IL6R: variants seen among roughly 807,000 people sequenced by gnomAD.
IL6R encodes interleukin 6 receptor, also known as interleukin-6 receptor subunit alpha.
Under a neutral mutation model 48.3 loss-of-function variants are expected in IL6R, and 38 were observed. The observed-to-expected ratio is 0.79, with a 90% CI of 0.61 to 1.03. The LOEUF (loss-of-function observed/expected upper bound fraction) is 1.03. Ranked by LOEUF, IL6R falls within the 50% of genes least tolerant of loss-of-function variation. IL6R has a pLI of 0.00. For synonymous variants in IL6R, 264 were observed against 256.2 expected (o/e 1.03, Z -0.29); for missense variants, 534 against 618.3 (o/e 0.86, Z 1.45).
chr1:154,421,873 A>C (rs1042330140), intron 1 of IL6R, among the ~76,000 whole-genome samples: 1 of 152,136 alleles, frequency 6.6e-6, no homozygotes, highest in African/African-American at 2.4e-5. Flanking sequence ...CTCCCATCTC[A>C]GCCTCCCAAT....
chr1:154,439,984 C>A (rs1449208968), intron 6 of IL6R, among the ~76,000 whole-genome samples: 1 of 152,062 alleles, frequency 6.6e-6, no homozygotes, highest in Admixed American at 6.5e-5. Flanking sequence ...CTCACTGCAA[C>A]CTCTGCCTCC....
chr1:154,414,631 A>T, intron 1 of IL6R: 1 of 800,836 alleles, frequency 1.2e-6, no homozygotes, highest in Non-Finnish European at 2.2e-6. Context: ...GTCAAGCAGG[A>T]TGTCGATGAA....
At chr1:154,457,570 C>T (rs892147898) in intron 9 of IL6R, among the ~76,000 whole-genome samples, 2 of 152,172 alleles carry the variant, frequency 1.3e-5, no homozygotes, top group Non-Finnish European at 2.9e-5. Context: ...TCATCCCAAT[C>T]ATCTTCGCTC....
chr1:154,449,685 G>A lies in IL6R; in HGVS notation c.997-226G>A, dbSNP rs569585761. ...TTCTCTGTGCAGCTTTAAGCTTTTG[G>A]TGGAGAGGCAGGTGGAAAGAAAGCC... On this transcript the variant is annotated intron_variant, in intron 7 of 9. Transcript: ENST00000368485. Among the ~76,000 whole-genome samples, 65 of 152,326 alleles carry A rather than the reference G, an allele frequency of 4.3e-4. 1 individual carries two copies. The highest frequency in any genetic ancestry group is 1.5e-3 in the African/African-American group (64 of 41,574).
At chr1:154,436,314 G>A (rs1403469852) in intron 6 of IL6R, among the ~76,000 whole-genome samples, 1 of 151,974 alleles carries the variant, frequency 6.6e-6, no homozygotes, top group Non-Finnish European at 1.5e-5. Context: ...CTGTCTCTAC[G>A]AAAAATACAA....
rs41310931 is a variant in IL6R at position 154,466,862 on chromosome 1, A to G, written c.*1482A>G. ...GTGAGACCCTGTCTCAAAAAAAGAA[A>G]AAGAAAAAGAAAAAATATTTTCCCT... On this transcript the variant is annotated 3_prime_UTR_variant, in exon 10 of 10. Transcript: ENST00000368485. 0.044 allele frequency: 6,934 copies of G among 157,982 alleles called. 337 individuals carry two copies. Among genetic ancestry groups the G allele is most frequent in the African/African-American group, 0.13 (5,305 of 41,640 alleles). The allele number at this position is 157,982 out of a possible 1,614,324, so 9.8% of individuals were successfully genotyped here. A position where few individuals can be genotyped will look rare whatever the true frequency, so the allele number is the denominator to read the frequency against.
intron 1 of IL6R, among the ~76,000 whole-genome samples, chr1:154,423,514 G>A (rs533908020): frequency 2.6e-5 from 4 of 151,950 alleles, no homozygotes; most frequent in Non-Finnish European, 5.9e-5. Flanking sequence ...AGGAGGCAGA[G>A]GGCTGAGTGG....
intron 1 of IL6R, chr1:154,414,822 G>C (rs1688238398): frequency 2.7e-6 from 2 of 754,252 alleles, no homozygotes; most frequent in Non-Finnish European, 4.8e-6. Context: ...GGGACAGCAG[G>C]AAGAGGAGAT....
intron 1 of IL6R, among the ~76,000 whole-genome samples, chr1:154,424,751 C>T (rs1688870258): frequency 6.6e-6 from 1 of 152,128 alleles, no homozygotes; most frequent in Non-Finnish European, 1.5e-5. Flanking sequence ...ATCAGGTGCT[C>T]ATTGGAGTTC....
chr1:154,423,282 T>TATATATATATATATATATATATATATAC (rs1688790245), intron 1 of IL6R, among the ~76,000 whole-genome samples: 1 of 142,646 alleles, frequency 7.0e-6, no homozygotes, highest in Non-Finnish European at 1.5e-5. Context: ...TATATATATA[T>TATATATATATATATATATATATATATAC]ATGTATTCAT....
At chr1:154,413,041 G>A (rs902512639) in intron 1 of IL6R, among the ~76,000 whole-genome samples, 1 of 144,824 alleles carries the variant, frequency 6.9e-6, no homozygotes, top group East Asian at 2.0e-4. Context: ...TTGCTCTGTC[G>A]CTCAGACTTG....
At chr1:154,413,384 C>T (rs1415524433) in intron 1 of IL6R, among the ~76,000 whole-genome samples, 2 of 152,208 alleles carry the variant, frequency 1.3e-5, no homozygotes, top group Non-Finnish European at 1.5e-5. Context: ...GCATATGCCT[C>T]TTGTTGTGTG....
At chr1:154,439,349 C>G (rs780799399) in intron 6 of IL6R, among the ~76,000 whole-genome samples, 23 of 152,216 alleles carry the variant, frequency 1.5e-4, no homozygotes, top group Non-Finnish European at 7.3e-5. Flanking sequence ...GAGTCTCGCT[C>G]TGTCGCCCAG....
intron 1 of IL6R, among the ~76,000 whole-genome samples, chr1:154,410,699 C>T (rs1687973239): frequency 6.6e-6 from 1 of 152,364 alleles, no homozygotes; most frequent in East Asian, 1.9e-4. Context: ...GCCTCCCCCA[C>T]TCCTGCTCAT....
chr1:154,442,681 G>A (rs1311060615), intron 6 of IL6R, among the ~76,000 whole-genome samples: 1 of 152,236 alleles, frequency 6.6e-6, no homozygotes, highest in Admixed American at 6.5e-5. Context: ...GGCCAGCACG[G>A]TCGGCAGCTT....
At chr1:154,407,543 C>T (rs532367046) in intron 1 of IL6R, among the ~76,000 whole-genome samples, 146 of 152,272 alleles carry the variant, frequency 9.6e-4, no homozygotes, top group African/African-American at 3.2e-3. Flanking sequence ...TCTCCCACAC[C>T]CACACAGACT....
At chr1:154,445,870 C>T (rs1690198524) in intron 6 of IL6R, among the ~76,000 whole-genome samples, 2 of 152,078 alleles carry the variant, frequency 1.3e-5, no homozygotes, top group Admixed American at 6.5e-5. Context: ...AACTGCTGAA[C>T]TGCACGAGCA....
At chr1:154,433,640 C>T (rs1689432189) in intron 3 of IL6R, among the ~76,000 whole-genome samples, 2 of 152,272 alleles carry the variant, frequency 1.3e-5, no homozygotes, top group South Asian at 4.1e-4. Context: ...GCCTAGCTCC[C>T]CTCACCCCTC....
At position 154,451,826 on chromosome 1, in the gene IL6R, G is replaced by A. The variant is rs376554933; in HGVS notation, c.1066+1846G>A. 1.2e-4 allele frequency among the ~76,000 whole-genome samples: 19 copies of A among 152,122 alleles called. No homozygotes were observed. In the East Asian group the frequency reaches 2.1e-3, roughly 17 times the overall value. ...GCTGGGATTACAGGTGTGAGCCACC[G>A]CGCCTGGCCAGCATTCTCAAATTTA... is the stretch of plus-strand genomic sequence containing the variant. On this transcript the variant is annotated intron_variant, in intron 8 of 9. Transcript: ENST00000368485.
Sources: allele counts gnomAD v4.1 joint callset (sites outside exome capture counted in the v4.1 genomes callset), GRCh38; gene constraint gnomAD v4.1.1; transcripts MANE v1.5; gene names NCBI Gene and HGNC (gene_info 2026-07-23, HGNC 2026-07-21).